Variants in PPM1L observed in about 807,000 individuals in gnomAD.
PPM1L encodes protein phosphatase 1L.
In PPM1L, 13 loss-of-function variants were observed where a neutral mutation model predicts 31.4. The observed-to-expected ratio is 0.41, with a 90% CI of 0.27 to 0.66. PPM1L has a LOEUF of 0.66. Ranked by LOEUF, PPM1L falls within the 30% of genes least tolerant of loss-of-function variation. The pLI, the probability that PPM1L is intolerant of heterozygous loss-of-function variation, is 0.29. For synonymous variants in PPM1L, 184 were observed against 175.4 expected, an observed-to-expected ratio of 1.05 and a Z score of -0.39; for missense variants, 326 against 453.7, an observed-to-expected ratio of 0.72 and a Z score of 2.56.
chr3:160,861,657 T>C (rs1278150500), intron 1 of PPM1L, among the ~76,000 whole-genome samples: 1 of 152,156 alleles, frequency 6.6e-6, no homozygotes, highest in Non-Finnish European at 1.5e-5. Flanking sequence ...CTACTGCTGC[T>C]ATAAATTACA....
intron 2 of PPM1L, among the ~76,000 whole-genome samples, chr3:160,965,041 G>A (rs1716093836): frequency 1.3e-5 from 2 of 151,920 alleles, no homozygotes. Context: ...CATGAGGTCA[G>A]GAGATGGAGA....
chr3:160,937,041 G>A (rs948202207), intron 1 of PPM1L, among the ~76,000 whole-genome samples: 10 of 151,604 alleles, frequency 6.6e-5, no homozygotes, highest in African/African-American at 1.5e-4. Flanking sequence ...CTCAATAACC[G>A]TCAGCACTTG....
At chr3:160,858,920 C>T (rs1711806954) in intron 1 of PPM1L, among the ~76,000 whole-genome samples, 1 of 152,134 alleles carries the variant, frequency 6.6e-6, no homozygotes, top group Non-Finnish European at 1.5e-5. Context: ...CTGGGTCCAA[C>T]CCAGTCTGTT....
intron 1 of PPM1L, among the ~76,000 whole-genome samples, chr3:160,853,762 G>A (rs907778012): frequency 1.3e-5 from 2 of 152,156 alleles, no homozygotes; most frequent in Non-Finnish European, 2.9e-5. Context: ...TACATTATGA[G>A]CAAGTTAGCA....
chr3:160,912,258 A>C (rs1263499910), intron 1 of PPM1L, among the ~76,000 whole-genome samples: 2 of 152,160 alleles, frequency 1.3e-5, no homozygotes, highest in Non-Finnish European at 2.9e-5. Context: ...ATTATTATAC[A>C]AGGGGGAATC....
intron 1 of PPM1L, among the ~76,000 whole-genome samples, chr3:160,944,838 ATGTT>A (rs1715306061): frequency 1.7e-5 from 1 of 59,184 alleles, no homozygotes; most frequent in African/African-American, 5.6e-5. Context: ...TAACATATAT[ATGTT>A]ATATATAACA....
intron 2 of PPM1L, among the ~76,000 whole-genome samples, chr3:161,043,469 T>C (rs764867843): frequency 3.9e-5 from 6 of 152,206 alleles, no homozygotes; most frequent in Admixed American, 2.0e-4. Context: ...CTGCTAAAGC[T>C]GTTTTCACAT....
intron 1 of PPM1L, among the ~76,000 whole-genome samples, chr3:160,876,519 G>A (rs1208442330): frequency 6.6e-6 from 1 of 152,210 alleles, no homozygotes; most frequent in Admixed American, 6.5e-5. Context: ...GATGTTAGAA[G>A]AAATTCATCT....
intron 2 of PPM1L, among the ~76,000 whole-genome samples, chr3:161,003,253 A>G (rs957040186): frequency 5.3e-5 from 8 of 149,656 alleles, no homozygotes; most frequent in Admixed American, 4.6e-4. Flanking sequence ...CTTGTAGTAT[A>G]GTTTGAAGTC....
chr3:160,901,803 G>A (rs916651213), intron 1 of PPM1L, among the ~76,000 whole-genome samples: 1 of 152,072 alleles, frequency 6.6e-6, no homozygotes, highest in Non-Finnish European at 1.5e-5. Flanking sequence ...ACCAATTATT[G>A]AGAAGCTTTT....
intron 1 of PPM1L, among the ~76,000 whole-genome samples, chr3:160,808,002 A>T (rs1424123622): frequency 6.6e-6 from 1 of 152,196 alleles, no homozygotes; most frequent in Non-Finnish European, 1.5e-5. Flanking sequence ...AGGATTGACT[A>T]CTGTCTGATC....
intron 2 of PPM1L, among the ~76,000 whole-genome samples, chr3:161,003,314 C>T (rs76359590): frequency 0.33 from 47,693 of 145,488 alleles, 8,108 homozygotes; most frequent in East Asian, 0.63. Context: ...ATTGACTTGG[C>T]AATGTGGGCT....
chr3:160,958,652 A>C (rs916893280), intron 1 of PPM1L, among the ~76,000 whole-genome samples: 1 of 152,234 alleles, frequency 6.6e-6, no homozygotes, highest in Non-Finnish European at 1.5e-5. Context: ...TTATGGAATA[A>C]TTTCATTTGT....
intron 1 of PPM1L, among the ~76,000 whole-genome samples, chr3:160,763,914 C>A (rs954840132): frequency 1.3e-5 from 2 of 152,040 alleles, no homozygotes; most frequent in African/African-American, 2.4e-5. Context: ...ACTTTTGTTA[C>A]CATTTTAGTA....
intron 2 of PPM1L, among the ~76,000 whole-genome samples, chr3:161,062,478 A>G (rs1719601696): frequency 6.6e-6 from 1 of 152,050 alleles, no homozygotes; most frequent in African/African-American, 2.4e-5. Flanking sequence ...CTCTATCCCT[A>G]TATTTATTAC....
chr3:160,930,992 T>C (rs943752895), intron 1 of PPM1L, among the ~76,000 whole-genome samples: 1 of 152,154 alleles, frequency 6.6e-6, no homozygotes, highest in Non-Finnish European at 1.5e-5. Flanking sequence ...TTAAGGTACA[T>C]TTTAAGGCTG....
intron 1 of PPM1L, among the ~76,000 whole-genome samples, chr3:160,813,925 C>G (rs1351289657): frequency 6.6e-6 from 1 of 152,122 alleles, no homozygotes; most frequent in Admixed American, 6.5e-5. Flanking sequence ...CTTGACAGTA[C>G]AGATCACTAC....
At position 161,073,795 on chromosome 3, in the gene PPM1L, T is replaced by G. The variant is rs1223637603; in HGVS notation, c.*4638T>G. 1.3e-5 allele frequency: 2 copies of G among 152,236 alleles called. No homozygotes were observed. Among genetic ancestry groups the G allele is most frequent in the African/African-American group, 2.4e-5 (1 of 41,442 alleles). 9.4% of individuals were successfully genotyped at this position (152,236 alleles called of 1,614,324 possible). On this transcript the variant is annotated 3_prime_UTR_variant, in exon 4 of 4. Transcript: ENST00000498165. ...CCAGGATGGTCTTGATATCCTGACC[T>G]TGTAATCCACCAGCCTTGGCCTCCC...
intron 2 of PPM1L, among the ~76,000 whole-genome samples, chr3:161,048,584 A>G (rs952909494): frequency 3.9e-5 from 6 of 152,214 alleles, no homozygotes; most frequent in African/African-American, 1.2e-4. Flanking sequence ...TACTGGGTAT[A>G]TACCCAAAGG....
Sources: allele counts gnomAD v4.1 joint callset (sites outside exome capture counted in the v4.1 genomes callset), GRCh38; gene constraint gnomAD v4.1.1; transcripts MANE v1.5; gene names NCBI Gene and HGNC (gene_info 2026-07-23, HGNC 2026-07-21).